The following SYNPR variants were observed in gnomAD, a reference collection of about 807,000 sequenced individuals.
The protein encoded by SYNPR is synaptoporin.
A neutral mutation model predicts 32.9 loss-of-function variants in SYNPR; 23 were observed. The observed-to-expected ratio is 0.70, with a 90% CI of 0.50 to 0.99. SYNPR has a LOEUF of 0.99. Among genes scored for constraint, SYNPR ranks in the 50% least tolerant of loss-of-function variants. SYNPR has a pLI of 0.00. For synonymous variants in SYNPR, 146 were observed against 135.9 expected, an observed-to-expected ratio of 1.07 and a Z score of -0.52; for missense variants, 318 against 349.3, an observed-to-expected ratio of 0.91 and a Z score of 0.71.
At chr3:63,440,223 T>G (rs572311204) in intron 2 of SYNPR, among the ~76,000 whole-genome samples, 17 of 152,008 alleles carry the variant, frequency 1.1e-4, no homozygotes, top group Admixed American at 5.9e-4. Context: ...GAGGAAAGAA[T>G]GTTCCAAGCA....
intron 3 of SYNPR, among the ~76,000 whole-genome samples, chr3:63,543,519 G>C (rs890062673): frequency 3.9e-5 from 6 of 152,140 alleles, no homozygotes; most frequent in African/African-American, 1.4e-4. Context: ...ATTGCTTGCT[G>C]TTTTGGTTAT....
chr3:63,496,678 G>C, intron 3 of SYNPR, among the ~76,000 whole-genome samples: 2 of 152,156 alleles, frequency 1.3e-5, no homozygotes, highest in Middle Eastern at 6.8e-3. Flanking sequence ...AATTACTTTA[G>C]TGAGAATTAA....
chr3:63,430,151 G>A (rs895616492), intron 2 of SYNPR, among the ~76,000 whole-genome samples: 2 of 152,188 alleles, frequency 1.3e-5, no homozygotes, highest in African/African-American at 4.8e-5. Flanking sequence ...GTACAGATAT[G>A]CATGACCTGA....
At chr3:63,472,482 T>TATC (rs1217173564) in intron 2 of SYNPR, among the ~76,000 whole-genome samples, 1 of 152,194 alleles carries the variant, frequency 6.6e-6, no homozygotes, top group Non-Finnish European at 1.5e-5. Context: ...TTATTATTAC[T>TATC]ATCATCATCA....
chr3:63,233,996 A>T (rs1162113554), intron 1 of SYNPR, among the ~76,000 whole-genome samples: 1 of 152,198 alleles, frequency 6.6e-6, no homozygotes, highest in Non-Finnish European at 1.5e-5. Context: ...CCTGTTCTGG[A>T]GCACATACAT....
intron 2 of SYNPR, among the ~76,000 whole-genome samples, chr3:63,333,598 G>A (rs1413474952): frequency 2.0e-5 from 3 of 151,862 alleles, no homozygotes; most frequent in Non-Finnish European, 2.9e-5. Context: ...TTATTTTTTT[G>A]TAGAGATGGG....
intron 2 of SYNPR, among the ~76,000 whole-genome samples, chr3:63,312,231 T>A (rs751778573): frequency 6.6e-6 from 1 of 152,082 alleles, no homozygotes; most frequent in Non-Finnish European, 1.5e-5. Flanking sequence ...CATCCCTTTT[T>A]GCCTATGTGC....
chr3:63,321,365 C>T (rs13096800), intron 2 of SYNPR, among the ~76,000 whole-genome samples: 64,820 of 151,654 alleles, frequency 0.43, 14,050 homozygotes, highest in Middle Eastern at 0.51. Context: ...GTTTTATTCT[C>T]TCTCTATTCT....
intron 2 of SYNPR, among the ~76,000 whole-genome samples, chr3:63,454,656 A>G (rs1329060321): frequency 1.3e-5 from 2 of 152,178 alleles, no homozygotes; most frequent in East Asian, 3.9e-4. Flanking sequence ...CTCCAAATTC[A>G]ACTTGGACTT....
intron 4 of SYNPR, among the ~76,000 whole-genome samples, chr3:63,595,736 TATATATATATATATATATATA>T (rs1427607863): frequency 4.0e-4 from 13 of 32,322 alleles, no homozygotes; most frequent in Non-Finnish European, 5.8e-4. Context: ...TATATATATA[TATATATATATATATATATATA>T]TATATATATA....
At chr3:63,515,607 A>C (rs1363148614) in intron 3 of SYNPR, among the ~76,000 whole-genome samples, 1 of 152,114 alleles carries the variant, frequency 6.6e-6, no homozygotes, top group Non-Finnish European at 1.5e-5. Flanking sequence ...GGGTATATTC[A>C]TGTGTTTTGG....
chr3:63,403,566 G>C (rs1427122479), intron 2 of SYNPR, among the ~76,000 whole-genome samples: 2 of 152,008 alleles, frequency 1.3e-5, no homozygotes, highest in African/African-American at 4.8e-5. Flanking sequence ...TAACAGATGA[G>C]ACAGCACAGG....
intron 2 of SYNPR, among the ~76,000 whole-genome samples, chr3:63,430,665 A>G (rs1226557003): frequency 6.6e-6 from 1 of 152,204 alleles, no homozygotes; most frequent in Non-Finnish European, 1.5e-5. Flanking sequence ...ACAATGTGGA[A>G]GGCAATCTAA....
chr3:63,595,749 A>ATATATATAGTTTTATATATATATAGTTT (rs1699932855), intron 4 of SYNPR, among the ~76,000 whole-genome samples: 1 of 44,396 alleles, frequency 2.3e-5, no homozygotes, highest in African/African-American at 1.3e-4. Context: ...ATATATATAT[A>ATATATATAGTTTTATATATATATAGTTT]TATATATATA....
At chr3:63,443,215 T>C in intron 2 of SYNPR, 1 of 1,367,252 alleles carries the variant, frequency 7.3e-7, no homozygotes, top group Non-Finnish European at 9.5e-7. Context: ...GGGTTGTCAC[T>C]GTCTAATAAT....
chr3:63,336,369 A>G (rs923059772), intron 2 of SYNPR, among the ~76,000 whole-genome samples: 2 of 151,856 alleles, frequency 1.3e-5, no homozygotes, highest in Non-Finnish European at 2.9e-5. Flanking sequence ...ATATTCATCA[A>G]AATGTTAACA....
intron 2 of SYNPR, among the ~76,000 whole-genome samples, chr3:63,261,389 A>C (rs1238256253): frequency 2.0e-5 from 3 of 151,884 alleles, no homozygotes; most frequent in Non-Finnish European, 4.4e-5. Flanking sequence ...TGCAGCCATA[A>C]AAAATGATGA....
intron 2 of SYNPR, among the ~76,000 whole-genome samples, chr3:63,312,764 A>G (rs544610305): frequency 1.2e-4 from 19 of 152,068 alleles, no homozygotes; most frequent in African/African-American, 4.3e-4. Context: ...AGCTCCCTAA[A>G]GCTTGCTCCA....
intron 2 of SYNPR, among the ~76,000 whole-genome samples, chr3:63,354,244 G>C (rs2087546341): frequency 6.6e-6 from 1 of 152,184 alleles, no homozygotes; most frequent in Admixed American, 6.5e-5. Context: ...TGGGATTTCA[G>C]TGGACCACTC....
Sources: gnomAD v4.1 joint callset for allele counts (sites outside exome capture counted in the v4.1 genomes callset) on GRCh38, gnomAD v4.1.1 for gene constraint, MANE v1.5 for transcripts, NCBI Gene and HGNC (gene_info 2026-07-23, HGNC 2026-07-21) for gene names.